Variants in PTPRT observed in about 807,000 individuals in gnomAD.
PTPRT encodes the protein protein tyrosine phosphatase receptor type T, also known as receptor-type tyrosine-protein phosphatase T.
Under a neutral mutation model 176.8 loss-of-function variants are expected in PTPRT, and 56 were observed. That is an observed-to-expected ratio of 0.32 (90% CI 0.26 to 0.40). The LOEUF (loss-of-function observed/expected upper bound fraction) is 0.40. Ranked by LOEUF, PTPRT falls within the 10% of genes least tolerant of loss-of-function variation. PTPRT has a pLI of 1.00. For synonymous variants in PTPRT, 783 were observed against 739.0 expected (o/e 1.06, Z -0.96); for missense variants, 1,540 against 1,908.2 (o/e 0.81, Z 3.60).
chr20:43,090,550 G>A (rs1227877314), intron 1 of PTPRT, among the ~76,000 whole-genome samples: 1 of 152,024 alleles, frequency 6.6e-6, no homozygotes, highest in Admixed American at 6.5e-5. Context: ...TTCCAGTCGT[G>A]AGCCACCGCG....
chr20:42,103,577 T>C (rs1270871418), intron 25 of PTPRT, among the ~76,000 whole-genome samples: 2 of 152,234 alleles, frequency 1.3e-5, no homozygotes, highest in Non-Finnish European at 2.9e-5. Context: ...GCAAGTCTCC[T>C]GCCTCAGCCT....
intron 7 of PTPRT, among the ~76,000 whole-genome samples, chr20:42,579,497 A>G (rs1601311903): frequency 6.6e-6 from 1 of 152,284 alleles, no homozygotes; most frequent in Non-Finnish European, 1.5e-5. Context: ...GTCTTCCACA[A>G]TGGTTGAACT....
intron 27 of PTPRT, among the ~76,000 whole-genome samples, chr20:42,092,615 G>GCC (rs1241789640): frequency 1.3e-5 from 2 of 152,202 alleles, no homozygotes; most frequent in Non-Finnish European, 2.9e-5. Flanking sequence ...CAGAGACACA[G>GCC]CCCCTTGCAA....
chr20:42,696,549 G>A (rs1250917597), intron 6 of PTPRT, among the ~76,000 whole-genome samples: 4 of 150,792 alleles, frequency 2.7e-5, no homozygotes, highest in Non-Finnish European at 4.4e-5. Flanking sequence ...TCTTCCCCCC[G>A]GGTTCACACC....
chr20:42,816,583 C>A (rs2145638119), intron 2 of PTPRT, among the ~76,000 whole-genome samples: 2 of 152,270 alleles, frequency 1.3e-5, no homozygotes, highest in Admixed American at 1.3e-4. Context: ...CCATGCTGTT[C>A]TCATGATAGT....
intron 7 of PTPRT, among the ~76,000 whole-genome samples, chr20:42,556,541 G>A (rs184166897): frequency 2.5e-4 from 22 of 88,490 alleles, no homozygotes; most frequent in African/African-American, 4.2e-4. Flanking sequence ...GCATCAATTC[G>A]CTATCCCTAT....
chr20:42,925,677 T>A (rs1051153140), intron 1 of PTPRT, among the ~76,000 whole-genome samples: 2 of 151,854 alleles, frequency 1.3e-5, no homozygotes, highest in Non-Finnish European at 2.9e-5. Flanking sequence ...TGGAGAATCA[T>A]TCAGATTGCC....
intron 6 of PTPRT, among the ~76,000 whole-genome samples, chr20:42,756,230 G>A (rs1445199264): frequency 1.3e-5 from 2 of 152,196 alleles, no homozygotes; most frequent in African/African-American, 2.4e-5. Flanking sequence ...AGTCTTTCAC[G>A]TATGGCTCTT....
intron 12 of PTPRT, among the ~76,000 whole-genome samples, chr20:42,306,033 A>C (rs1296709308): frequency 1.3e-5 from 2 of 152,194 alleles, no homozygotes; most frequent in African/African-American, 4.8e-5. Context: ...CCAGGCTGAC[A>C]AGATTATCAG....
At chr20:43,037,062 G>A (rs1167612239) in intron 1 of PTPRT, among the ~76,000 whole-genome samples, 16 of 152,162 alleles carry the variant, frequency 1.1e-4, no homozygotes. Context: ...AATTGACTAG[G>A]TGAATTGCCA....
rs10710909 is a variant in PTPRT at position 42,748,101 on chromosome 20, A to AT, written c.859+8360dup. On this transcript the variant is annotated intron_variant, in intron 6 of 30. Transcript: ENST00000373187. ...ATAACCCATGCTCATTCATTTGCAT[A>AT]TTTTTTATGGCTGTTTTTGCTACAA... 2.2e-4 allele frequency among the ~76,000 whole-genome samples: 34 copies of AT among 152,176 alleles called. No individual in the cohort carries two copies. In the South Asian group the frequency reaches 2.3e-3, roughly 10 times the overall value.
chr20:43,127,792 T>C (rs2013502237), intron 1 of PTPRT, among the ~76,000 whole-genome samples: 1 of 152,182 alleles, frequency 6.6e-6, no homozygotes. Flanking sequence ...TAGGAGGGTA[T>C]AGTTTCTACA....
intron 7 of PTPRT, among the ~76,000 whole-genome samples, chr20:42,485,023 C>G (rs2071443942): frequency 6.6e-6 from 1 of 152,186 alleles, no homozygotes; most frequent in Non-Finnish European, 1.5e-5. Context: ...TGCCTCCTGC[C>G]ACATCAACTG....
At chr20:42,792,723 A>G (rs1280901896) in intron 2 of PTPRT, among the ~76,000 whole-genome samples, 2 of 152,206 alleles carry the variant, frequency 1.3e-5, no homozygotes, top group Non-Finnish European at 2.9e-5. Context: ...GAGCTACTTC[A>G]ATAGCTAAAA....
intron 13 of PTPRT, among the ~76,000 whole-genome samples, chr20:42,257,474 C>T (rs966909555): frequency 3.3e-5 from 5 of 152,060 alleles, no homozygotes; most frequent in Non-Finnish European, 5.9e-5. Flanking sequence ...TGTGTCTGCA[C>T]CCAAACCTCA....
chr20:42,044,137 G>C, the PTPRT span, among the ~76,000 whole-genome samples: 16 of 152,282 alleles, frequency 1.1e-4, no homozygotes, highest in East Asian at 2.9e-3. Flanking sequence ...AACATGGGGT[G>C]GTTGTTTCCC....
At chr20:42,693,473 A>G (rs1181744181) in intron 6 of PTPRT, among the ~76,000 whole-genome samples, 2 of 152,226 alleles carry the variant, frequency 1.3e-5, no homozygotes, top group Admixed American at 6.5e-5. Flanking sequence ...TTAAGCTACA[A>G]TAATTAAGAA....
At chr20:42,991,972 A>G (rs1194832696) in intron 1 of PTPRT, among the ~76,000 whole-genome samples, 1 of 152,112 alleles carries the variant, frequency 6.6e-6, no homozygotes, top group Non-Finnish European at 1.5e-5. Flanking sequence ...TCTATTAAAT[A>G]TTTTTTGCCT....
intron 6 of PTPRT, among the ~76,000 whole-genome samples, chr20:42,698,505 A>G (rs1276405091): frequency 6.6e-6 from 1 of 152,188 alleles, no homozygotes; most frequent in African/African-American, 2.4e-5. Context: ...CCCACTCTAA[A>G]AAAAATATCT....
Sources: gnomAD v4.1 joint callset for allele counts (sites outside exome capture counted in the v4.1 genomes callset) on GRCh38, gnomAD v4.1.1 for gene constraint, MANE v1.5 for transcripts, NCBI Gene and HGNC (gene_info 2026-07-23, HGNC 2026-07-21) for gene names.